The following PTPRG variants were observed in gnomAD, a reference collection of about 807,000 sequenced individuals.
PTPRG encodes the protein receptor-type tyrosine-protein phosphatase gamma.
In PTPRG, 102 loss-of-function variants were observed where a neutral mutation model predicts 165.3. The observed-to-expected ratio is 0.62, with a 90% confidence interval of 0.53 to 0.73. PTPRG has a LOEUF of 0.73. PTPRG is among the 30% of genes least tolerant of loss of function. The pLI is 0.00. For synonymous variants in PTPRG, 675 were observed against 669.5 expected, an observed-to-expected ratio of 1.01 and a Z score of -0.13; for missense variants, 1,866 against 1,861.4, an observed-to-expected ratio of 1.00 and a Z score of -0.05.
intron 1 of PTPRG, among the ~76,000 whole-genome samples, chr3:61,612,712 G>C (rs1701205452): frequency 6.6e-6 from 1 of 152,184 alleles, no homozygotes; most frequent in Non-Finnish European, 1.5e-5. Context: ...AATGGGCAGA[G>C]AGCAGTTATG....
chr3:61,743,065 C>A (rs1340873755), intron 1 of PTPRG: 2 of 1,590,964 alleles, frequency 1.3e-6, no homozygotes, highest in Middle Eastern at 1.7e-4. Flanking sequence ...CAGGACTTCC[C>A]GCACCGCCTC....
intron 2 of PTPRG, among the ~76,000 whole-genome samples, chr3:61,929,754 C>T (rs576124914): frequency 1.3e-5 from 2 of 152,324 alleles, no homozygotes; most frequent in South Asian, 2.1e-4. Flanking sequence ...TGCAGTGATT[C>T]AGGAGCAAGA....
chr3:61,776,009 A>G (rs146332533), intron 2 of PTPRG, among the ~76,000 whole-genome samples: 147 of 152,000 alleles, frequency 9.7e-4, no homozygotes, highest in Middle Eastern at 3.4e-3. Context: ...GCACACCAAC[A>G]TGGCACATGT....
chr3:61,653,641 CTTTGT>C (rs1341322034), intron 1 of PTPRG, among the ~76,000 whole-genome samples: 3 of 152,088 alleles, frequency 2.0e-5, no homozygotes, highest in Non-Finnish European at 4.4e-5. Context: ...TTGCATATGT[CTTTGT>C]TTTGTTAGGA....
At chr3:62,121,646 A>G (rs1489597129) in intron 5 of PTPRG, among the ~76,000 whole-genome samples, 5 of 152,196 alleles carry the variant, frequency 3.3e-5, no homozygotes, top group Non-Finnish European at 5.9e-5. Context: ...TGTCAATGGC[A>G]GTTTTCATAA....
intron 15 of PTPRG, among the ~76,000 whole-genome samples, chr3:62,253,002 T>A (rs1701456279): frequency 1.3e-5 from 2 of 152,196 alleles, no homozygotes; most frequent in African/African-American, 4.8e-5. Context: ...TCTGCTGGAT[T>A]TTTGCTGCTT....
intron 4 of PTPRG, among the ~76,000 whole-genome samples, chr3:62,068,854 A>G (rs1182492543): frequency 6.6e-6 from 1 of 152,190 alleles, no homozygotes; most frequent in African/African-American, 2.4e-5. Context: ...TCCCTGTTAC[A>G]GGGCAAATGA....
intron 4 of PTPRG, among the ~76,000 whole-genome samples, chr3:62,026,756 C>T (rs7652647): frequency 0.14 from 20,752 of 151,568 alleles, 1,953 homozygotes; most frequent in African/African-American, 0.26. Context: ...CGTGGTGGCA[C>T]GTGCCTGTAG....
chr3:62,108,153 G>A (rs952651733), intron 5 of PTPRG, among the ~76,000 whole-genome samples: 1 of 151,694 alleles, frequency 6.6e-6, no homozygotes, highest in Admixed American at 6.6e-5. Context: ...CCATCAACCC[G>A]TCACCTACGT....
intron 1 of PTPRG, among the ~76,000 whole-genome samples, chr3:61,590,037 G>C (rs1700527970): frequency 2.0e-5 from 3 of 152,024 alleles, no homozygotes; most frequent in Admixed American, 2.0e-4. Context: ...GAGACACGTG[G>C]TAAGTGGTGA....
chr3:62,283,850 G>A (rs1174048634), intron 28 of PTPRG, among the ~76,000 whole-genome samples: 1 of 152,030 alleles, frequency 6.6e-6, no homozygotes, highest in Admixed American at 6.6e-5. Flanking sequence ...AAATTTTACA[G>A]TCTTTCAAAA....
intron 1 of PTPRG, among the ~76,000 whole-genome samples, chr3:61,627,914 C>G (rs983272195): frequency 1.3e-5 from 2 of 152,122 alleles, no homozygotes; most frequent in African/African-American, 4.8e-5. Flanking sequence ...CATTGTAAAC[C>G]AAGCCAAAGG....
intron 4 of PTPRG, among the ~76,000 whole-genome samples, chr3:62,060,137 A>T (rs1252553212): frequency 6.6e-6 from 1 of 151,086 alleles, no homozygotes; most frequent in Non-Finnish European, 1.5e-5. Flanking sequence ...GTTTGAGCCC[A>T]GGAGGTCGAG....
intron 4 of PTPRG, among the ~76,000 whole-genome samples, chr3:62,059,910 C>G (rs1283729729): frequency 1.3e-5 from 2 of 152,116 alleles, no homozygotes; most frequent in Non-Finnish European, 2.9e-5. Flanking sequence ...TTTGCTTCCC[C>G]CTCCACCATG....
chr3:61,766,715 T>A (rs1247990649), intron 2 of PTPRG, among the ~76,000 whole-genome samples: 1 of 151,966 alleles, frequency 6.6e-6, no homozygotes, highest in African/African-American at 2.4e-5. Context: ...CTCCTGAGTT[T>A]AAGCAATTCT....
At chr3:61,610,188 G>A (rs1489247542) in intron 1 of PTPRG, among the ~76,000 whole-genome samples, 1 of 151,412 alleles carries the variant, frequency 6.6e-6, no homozygotes, top group Non-Finnish European at 1.5e-5. Flanking sequence ...GTACAACTTT[G>A]TAGGGATGTG....
chr3:62,167,092 A>G (rs1705018458), intron 7 of PTPRG, among the ~76,000 whole-genome samples: 2 of 152,144 alleles, frequency 1.3e-5, no homozygotes, highest in African/African-American at 4.8e-5. Flanking sequence ...TCTTAATAAT[A>G]TTAATAATAA....
intron 2 of PTPRG, among the ~76,000 whole-genome samples, chr3:61,835,001 A>G (rs190651229): frequency 1.3e-5 from 2 of 152,324 alleles, no homozygotes; most frequent in East Asian, 3.9e-4. Flanking sequence ...TTTAATAATT[A>G]CAATCCTTTT....
chr3:61,882,134 A>T (rs2037905163), intron 2 of PTPRG, among the ~76,000 whole-genome samples: 1 of 152,230 alleles, frequency 6.6e-6, no homozygotes, highest in South Asian at 2.1e-4. Context: ...TGAGAACAAA[A>T]ACTGTGAACA....
Sources: gnomAD v4.1 joint callset for allele counts (sites outside exome capture counted in the v4.1 genomes callset) on GRCh38, gnomAD v4.1.1 for gene constraint, MANE v1.5 for transcripts, NCBI Gene and HGNC (gene_info 2026-07-23, HGNC 2026-07-21) for gene names.